N4BP1: variants seen among roughly 807,000 people sequenced by gnomAD.
The protein encoded by N4BP1 is NEDD4 binding protein 1, also known as NEDD4-binding protein 1.
In N4BP1, 21 loss-of-function variants were observed where a neutral mutation model predicts 70.9. The ratio of observed to expected loss-of-function variants is 0.30; its 90% CI spans 0.21 to 0.43. N4BP1 has a LOEUF of 0.43. N4BP1 is among the 20% of genes least tolerant of loss of function. The pLI is 1.00. For missense variants in N4BP1, 936 were observed against 1,069.4 expected (o/e 0.88, Z 1.74); for synonymous variants, 387 against 394.6 (o/e 0.98, Z 0.23).
At chr16:48,546,027 C>CA (rs200705090) in intron 6 of N4BP1, 120 bp downstream of exon 6, 150,989 of 484,888 alleles carry the variant, frequency 0.31, 11,194 homozygotes, top group African/African-American at 0.47. Context: ...GACCTTGTCT[C>CA]AAAAAAAAAA....
At chr16:48,592,367 C>T (rs1250505969) in intron 1 of N4BP1, among the ~76,000 whole-genome samples, 4 of 152,110 alleles carry the variant, frequency 2.6e-5, no homozygotes, top group Admixed American at 6.6e-5. Flanking sequence ...AAAATGGGAC[C>T]CTTAATTTTG....
At chr16:48,578,189 G>T in intron 1 of N4BP1, 1 of 174,448 alleles carries the variant, frequency 5.7e-6, no homozygotes, top group South Asian at 1.3e-4. Context: ...TCATGTTCTT[G>T]ACCAGGTGGC....
At chr16:48,601,067 C>G (rs940504547) in intron 1 of N4BP1, among the ~76,000 whole-genome samples, 9 of 152,172 alleles carry the variant, frequency 5.9e-5, no homozygotes, top group Admixed American at 2.0e-4. Context: ...ATTTGTATGA[C>G]AATGTCAAAT....
At position 48,610,048 on chromosome 16, in the gene N4BP1, A is replaced by C; in HGVS notation, c.-76T>G. The C allele has an allele frequency of 1.1e-6, 1 of 895,650 alleles. No individual in the cohort carries two copies. The highest frequency in any genetic ancestry group is 1.4e-6 in the Non-Finnish European group (1 of 735,418). 55.5% of individuals were successfully genotyped at this position (895,650 alleles called of 1,614,324 possible). A position where few individuals can be genotyped will look rare whatever the true frequency, so the allele number is the denominator to read the frequency against. On this transcript the variant is annotated 5_prime_UTR_variant, in exon 1 of 7. Transcript: ENST00000262384. ...CCCTCAGCTTGCTGCCGCTGCTCCC[A>C]AGCCAGTCAGGCGGCGTCGGCCCTT...
rs1964467383 is a variant in N4BP1 at position 48,599,603 on chromosome 16, T to A, written c.198+10172A>T. Among the ~76,000 whole-genome samples the A allele has an allele frequency of 5.3e-5, 8 of 152,354 alleles. No homozygotes were observed. In the South Asian group the frequency reaches 1.7e-3, roughly 32 times the overall value. ...CTGGTTCCCTCACAAATGAGTTAAA[T>A]GAATGCTTGCTATATGCTCACTTTT... On this transcript the variant is annotated intron_variant, in intron 1 of 6. Transcript: ENST00000262384.
chr16:48,573,317 C>T (rs1256353521), intron 1 of N4BP1, among the ~76,000 whole-genome samples: 4 of 152,004 alleles, frequency 2.6e-5, no homozygotes, highest in Non-Finnish European at 5.9e-5. Flanking sequence ...ACAGGCTGGG[C>T]ACAGTGGCTC....
intron 1 of N4BP1, among the ~76,000 whole-genome samples, chr16:48,586,462 G>A (rs1302391042): frequency 2.6e-5 from 4 of 151,834 alleles, no homozygotes; most frequent in African/African-American, 9.7e-5. Flanking sequence ...TAATTACTCT[G>A]ATTTTTTTTT....
At chr16:48,606,950 A>T (rs557206814) in intron 1 of N4BP1, among the ~76,000 whole-genome samples, 1 of 152,214 alleles carries the variant, frequency 6.6e-6, no homozygotes, top group East Asian at 1.9e-4. Flanking sequence ...TCCTGTTCTT[A>T]GTTTTTAAAA....
rs747358636 is a variant in N4BP1, at chr16:48,561,563, G to A, written c.1080C>T (p.Ser360=). ...TAATGACCTTTTCAACAATTTCTTG[G>A]GAGTAGCCCATGGTTTTAAAAAAGT... ...LVNFFKTMGY[S]QEIVEKVIKV... is the part of the protein sequence containing the mutation. Residue 360 remains serine (S), a synonymous_variant, in exon 2 of 7, where the codon TCC becomes TCT. Transcript: ENST00000262384. The A allele has an allele frequency of 1.2e-6, 2 of 1,613,794 alleles. No individual in the cohort carries two copies. The highest frequency in any genetic ancestry group is 8.5e-7 in the Non-Finnish European group (1 of 1,179,858).
intron 1 of N4BP1, among the ~76,000 whole-genome samples, chr16:48,579,017 CATTTG>C (rs1249633985): frequency 0.021 from 1,240 of 58,890 alleles, 12 homozygotes; most frequent in African/African-American, 0.11. Context: ...TGCCAAGAGA[CATTTG>C]ACAATGCCAA....
At chr16:48,602,483 AC>A (rs1304718117) in intron 1 of N4BP1, among the ~76,000 whole-genome samples, 1 of 152,116 alleles carries the variant, frequency 6.6e-6, no homozygotes, top group African/African-American at 2.4e-5. Flanking sequence ...ATCACTTCTG[AC>A]CCCAGCATAA....
intron 1 of N4BP1, among the ~76,000 whole-genome samples, chr16:48,568,202 T>C (rs376942383): frequency 3.3e-5 from 5 of 152,276 alleles, no homozygotes; most frequent in South Asian, 2.1e-4. Flanking sequence ...CAAATGTAAG[T>C]AGTAAATTCT....
chr16:48,593,089 A>C (rs1330339831), intron 1 of N4BP1, among the ~76,000 whole-genome samples: 1 of 152,112 alleles, frequency 6.6e-6, no homozygotes. Context: ...AATATTTCAT[A>C]AACTGCCACT....
rs762420428 is a variant in N4BP1, at chr16:48,561,492, A to G, written c.1151T>C (p.Ile384Thr). The change falls in exon 2 of 7, where the codon ATT becomes ACT. Residue 384 changes from isoleucine (I) to threonine (T), a missense_variant. Around this residue, in one of 4 missense-constraint regions of N4BP1, gnomAD observed 515 missense variants for 491.7 expected, o/e 1.05. Coordinates refer to ENST00000262384, the MANE Select transcript of N4BP1 (RefSeq NM_153029.4). ...TTGGAATCTTTTATTTTCTTTTTCAATTTCCTCTAAGAGCAATAATGGTTC... is the reference window on the plus strand; with the variant it reads ...TTGGAATCTTTTATTTTCTTTTTCAGTTTCCTCTAAGAGCAATAATGGTTC... ...STEPLLLLEE[I>T]EKENKRFQED... 4.3e-6 allele frequency: 7 copies of G among 1,611,614 alleles called. No individual in the cohort carries two copies. The highest frequency in any genetic ancestry group is 1.7e-5 in the Admixed American group (1 of 59,438).
chr16:48,589,521 C>T (rs1466805331), intron 1 of N4BP1, among the ~76,000 whole-genome samples: 1 of 152,164 alleles, frequency 6.6e-6, no homozygotes, highest in African/African-American at 2.4e-5. Flanking sequence ...AGCCCTTTCC[C>T]TCATACCTTG....
chr16:48,542,937 A>G lies in N4BP1; in HGVS notation c.2658T>C (p.Asp886=). The stretch of plus-strand genomic sequence containing the variant: ...ACACCATGGCAGAAAGCGCATTTAG[A>G]TCTTTCATGTATGGGTGGGCCACCA... ...QILVAHPYMK[D]LNALSAMVLD is the part of the protein sequence containing the mutation. Residue 886 remains aspartate, a synonymous_variant, in exon 7 of 7, where the codon GAT becomes GAC. Coordinates refer to ENST00000262384, the MANE Select transcript of N4BP1 (RefSeq NM_153029.4). 2 of 1,612,350 alleles carry G rather than the reference A, an allele frequency of 1.2e-6. No homozygotes were observed. The highest frequency in any genetic ancestry group is 1.7e-6 in the Non-Finnish European group (2 of 1,178,586).
At chr16:48,570,371 A>C (rs1963998947) in intron 1 of N4BP1, among the ~76,000 whole-genome samples, 1 of 152,076 alleles carries the variant, frequency 6.6e-6, no homozygotes, top group Non-Finnish European at 1.5e-5. Context: ...TTTGAGACGG[A>C]GTCTCACTCT....
Position 48,600,269 on chromosome 16 carries a change from T to C in N4BP1, c.198+9506A>G, listed in dbSNP as rs1964475845. ...TGTTCAGATTTTGTAAATCTAAATG[T>C]CATAAAAACTTTAAAAAGAAGCACA... On this transcript the variant is annotated intron_variant, in intron 1 of 6. Coordinates refer to ENST00000262384, the MANE Select transcript of N4BP1 (RefSeq NM_153029.4). The C allele has an allele frequency of 3.6e-6, 4 of 1,098,414 alleles. No homozygotes were observed. In the Admixed American group the frequency reaches 5.2e-5, roughly 14 times the overall value. 68.0% of individuals were successfully genotyped at this position (1,098,414 alleles called of 1,614,324 possible).
intron 1 of N4BP1, among the ~76,000 whole-genome samples, chr16:48,586,453 A>C (rs1296851691): frequency 1.3e-5 from 2 of 151,942 alleles, no homozygotes; most frequent in African/African-American, 2.4e-5. Flanking sequence ...GTTTTCTCCT[A>C]ATTACTCTGA....
Sources: allele counts gnomAD v4.1 joint callset (sites outside exome capture counted in the v4.1 genomes callset), GRCh38; gene constraint gnomAD v4.1.1; regional missense constraint gnomAD v4.1.1; transcripts MANE v1.5; gene names NCBI Gene and HGNC (gene_info 2026-07-23, HGNC 2026-07-21).